Variants in LRRC4C observed in about 807,000 individuals in gnomAD.
LRRC4C encodes the protein leucine rich repeat containing 4C.
In LRRC4C, 5 loss-of-function variants were observed where a neutral mutation model predicts 33.6. That is an observed-to-expected ratio of 0.15 (90% CI 0.08 to 0.31). LRRC4C has a LOEUF of 0.31. LRRC4C is among the 10% of genes least tolerant of loss of function. The probability of loss-of-function intolerance (pLI) is 1.00; values close to 1 mark genes in which losing one functional copy is unlikely to be tolerated. For missense variants in LRRC4C, 560 were observed against 796.7 expected (o/e 0.70, Z 3.58); for synonymous variants, 329 against 302.0 (o/e 1.09, Z -0.93).
At chr11:40,634,080 T>G (rs1377927932) in intron 3 of LRRC4C, among the ~76,000 whole-genome samples, 1 of 152,200 alleles carries the variant, frequency 6.6e-6, no homozygotes. Context: ...ACAATTAGCT[T>G]CCAGGGTTGT....
chr11:41,256,220 C>A (rs534630912), intron 1 of LRRC4C, among the ~76,000 whole-genome samples: 2 of 151,884 alleles, frequency 1.3e-5, no homozygotes, highest in African/African-American at 2.4e-5. Context: ...TCAGTCACCC[C>A]GGGTGATAAC....
At chr11:40,275,556 C>G (rs1943042413) in intron 4 of LRRC4C, among the ~76,000 whole-genome samples, 1 of 152,044 alleles carries the variant, frequency 6.6e-6, no homozygotes, top group Non-Finnish European at 1.5e-5. Flanking sequence ...CTGCAGGAAA[C>G]CTTGAGCTCT....
chr11:40,573,362 C>T (rs1314785641), intron 3 of LRRC4C, among the ~76,000 whole-genome samples: 1 of 152,134 alleles, frequency 6.6e-6, no homozygotes, highest in East Asian at 1.9e-4. Context: ...TATGTTCATC[C>T]TTTATAGCCT....
chr11:40,180,980 G>A (rs939872425), intron 5 of LRRC4C, among the ~76,000 whole-genome samples: 1 of 152,138 alleles, frequency 6.6e-6, no homozygotes, highest in African/African-American at 2.4e-5. Flanking sequence ...TCCAGTGATG[G>A]CATCTAATAG....
intron 3 of LRRC4C, among the ~76,000 whole-genome samples, chr11:40,325,058 A>T (rs536105887): frequency 3.3e-5 from 5 of 152,186 alleles, no homozygotes; most frequent in Non-Finnish European, 5.9e-5. Flanking sequence ...TTACTTTATT[A>T]TTATTATTAG....
intron 5 of LRRC4C, among the ~76,000 whole-genome samples, chr11:40,157,724 G>C (rs986066631): frequency 6.6e-6 from 1 of 152,116 alleles, no homozygotes; most frequent in Non-Finnish European, 1.5e-5. Context: ...CCTTTCTCCT[G>C]CAAGAATGGC....
At chr11:40,947,881 A>G (rs1379353626) in intron 1 of LRRC4C, among the ~76,000 whole-genome samples, 1 of 152,080 alleles carries the variant, frequency 6.6e-6, no homozygotes, top group African/African-American at 2.4e-5. Context: ...TAGGGTCTTC[A>G]TTTGTTTCCC....
intron 3 of LRRC4C, among the ~76,000 whole-genome samples, chr11:40,483,792 T>C (rs1565434640): frequency 6.6e-6 from 1 of 150,564 alleles, no homozygotes; most frequent in Non-Finnish European, 1.5e-5. Flanking sequence ...TGTATATATA[T>C]GTATATATAT....
At chr11:41,199,664 A>G (rs1946325389) in intron 1 of LRRC4C, among the ~76,000 whole-genome samples, 1 of 152,108 alleles carries the variant, frequency 6.6e-6, no homozygotes, top group East Asian at 1.9e-4. Context: ...TTCCCAGTGA[A>G]TGCATCTCCT....
chr11:40,489,778 T>C (rs1954055066), intron 3 of LRRC4C, among the ~76,000 whole-genome samples: 22 of 152,164 alleles, frequency 1.4e-4, no homozygotes, highest in Admixed American at 1.4e-3. Flanking sequence ...CTATTACATT[T>C]GAAGATGAAT....
chr11:40,820,164 A>C (rs2135457445), intron 2 of LRRC4C, among the ~76,000 whole-genome samples: 1 of 152,206 alleles, frequency 6.6e-6, no homozygotes, highest in East Asian at 1.9e-4. Context: ...ATAGAAAAAT[A>C]GTCAATAGAA....
At chr11:41,165,803 G>A (rs1944695587) in intron 1 of LRRC4C, among the ~76,000 whole-genome samples, 2 of 152,054 alleles carry the variant, frequency 1.3e-5, no homozygotes, top group South Asian at 4.2e-4. Context: ...GCCGAGGTGG[G>A]TGGACCACCT....
chr11:40,709,087 C>T (rs1946329502), intron 2 of LRRC4C, among the ~76,000 whole-genome samples: 1 of 151,924 alleles, frequency 6.6e-6, no homozygotes, highest in Admixed American at 6.6e-5. Context: ...TTATTTTGAG[C>T]CTATGTGTGT....
intron 1 of LRRC4C, among the ~76,000 whole-genome samples, chr11:41,057,499 G>A (rs557479223): frequency 9.6e-4 from 146 of 152,300 alleles, no homozygotes; most frequent in African/African-American, 3.4e-3. Context: ...GCCAGGGAGG[G>A]CCTGAAAATT....
intron 2 of LRRC4C, among the ~76,000 whole-genome samples, chr11:40,818,177 TCTTA>T (rs1388062964): frequency 2.6e-5 from 4 of 152,128 alleles, no homozygotes; most frequent in African/African-American, 9.7e-5. Flanking sequence ...TCTAGCACTA[TCTTA>T]CTTAGGAAAC....
chr11:40,336,332 G>A (rs1378884078), intron 3 of LRRC4C, among the ~76,000 whole-genome samples: 8 of 152,072 alleles, frequency 5.3e-5, no homozygotes, highest in Admixed American at 5.2e-4. Context: ...AAAGTGATGT[G>A]CACTATTTTG....
chr11:41,340,123 T>C (rs1420518692), intron 1 of LRRC4C, among the ~76,000 whole-genome samples: 3 of 152,192 alleles, frequency 2.0e-5, no homozygotes, highest in Admixed American at 6.5e-5. Flanking sequence ...TCCTATGAAG[T>C]AAGTTTCGCT....
chr11:40,267,193 C>A (rs1342797066), intron 4 of LRRC4C, among the ~76,000 whole-genome samples: 1 of 151,956 alleles, frequency 6.6e-6, no homozygotes, highest in African/African-American at 2.4e-5. Context: ...CATTTACATC[C>A]TCAATGGCAT....
intron 3 of LRRC4C, among the ~76,000 whole-genome samples, chr11:40,621,697 C>T (rs1962468660): frequency 6.6e-6 from 1 of 151,736 alleles, no homozygotes; most frequent in Non-Finnish European, 1.5e-5. Context: ...CTATCCTCCA[C>T]CCTTTGCTCA....
Sources: gnomAD v4.1 joint callset for allele counts (sites outside exome capture counted in the v4.1 genomes callset) on GRCh38, gnomAD v4.1.1 for gene constraint, MANE v1.5 for transcripts, NCBI Gene and HGNC (gene_info 2026-07-23, HGNC 2026-07-21) for gene names.